SRPK2: variants seen among roughly 807,000 people sequenced by gnomAD.
SRPK2 encodes SRSF protein kinase 2.
Under a neutral mutation model 90.8 loss-of-function variants are expected in SRPK2, and 21 were observed. The ratio of observed to expected loss-of-function variants is 0.23; its 90% CI spans 0.16 to 0.33. The LOEUF (loss-of-function observed/expected upper bound fraction) is 0.33, where lower values mean the gene tolerates loss of function less well. SRPK2 is among the 10% of genes least tolerant of loss of function. The pLI, the probability that SRPK2 is intolerant of heterozygous loss-of-function variation, is 1.00. For synonymous variants in SRPK2, 288 were observed against 311.1 expected (o/e 0.93, Z 0.78); for missense variants, 620 against 869.0 (o/e 0.71, Z 3.60).
intron 2 of SRPK2, among the ~76,000 whole-genome samples, chr7:105,219,463 A>G (rs1797848598): frequency 1.3e-5 from 2 of 152,100 alleles, no homozygotes; most frequent in South Asian, 4.2e-4. Context: ...CTTCCCTTTA[A>G]AACTAATGAT....
At chr7:105,164,887 T>C (rs914725787) in intron 6 of SRPK2, among the ~76,000 whole-genome samples, 2 of 152,108 alleles carry the variant, frequency 1.3e-5, no homozygotes, top group Admixed American at 6.6e-5. Context: ...GCAAAAAATC[T>C]GAAAGAAGCC....
At chr7:105,364,710 A>G (rs1818835930) in intron 2 of SRPK2, among the ~76,000 whole-genome samples, 1 of 151,934 alleles carries the variant, frequency 6.6e-6, no homozygotes, top group Non-Finnish European at 1.5e-5. Context: ...CCGAGTCTTA[A>G]AGGTCCTTAA....
intron 2 of SRPK2, among the ~76,000 whole-genome samples, chr7:105,248,838 A>G (rs1397218170): frequency 2.0e-5 from 3 of 151,560 alleles, no homozygotes; most frequent in Non-Finnish European, 4.4e-5. Context: ...AGGCAGGAGA[A>G]CGGCGTGAAC....
At chr7:105,232,280 G>T (rs1585273333) in intron 2 of SRPK2, among the ~76,000 whole-genome samples, 1 of 151,966 alleles carries the variant, frequency 6.6e-6, no homozygotes, top group East Asian at 1.9e-4. Flanking sequence ...CACCAACATG[G>T]AGAAATCCGT....
intron 2 of SRPK2, among the ~76,000 whole-genome samples, chr7:105,321,475 T>C (rs1156411182): frequency 1.3e-5 from 2 of 151,958 alleles, no homozygotes; most frequent in Non-Finnish European, 2.9e-5. Context: ...AACTGTAAAA[T>C]GAACTTCAAA....
chr7:105,287,033 G>C (rs890955176), intron 2 of SRPK2, among the ~76,000 whole-genome samples: 1 of 151,686 alleles, frequency 6.6e-6, no homozygotes, highest in Non-Finnish European at 1.5e-5. Flanking sequence ...AGGCCGAGGC[G>C]GGCGGATCAC....
At chr7:105,355,313 C>G (rs1291329066) in intron 2 of SRPK2, among the ~76,000 whole-genome samples, 3 of 151,702 alleles carry the variant, frequency 2.0e-5, no homozygotes, top group African/African-American at 7.3e-5. Context: ...CTGCGCAACA[C>G]GGCAAGACCT....
chr7:105,255,927 GAAAA>G (rs1208757960), intron 2 of SRPK2, among the ~76,000 whole-genome samples: 2 of 99,222 alleles, frequency 2.0e-5, no homozygotes, highest in Non-Finnish European at 4.7e-5. Flanking sequence ...ATCTCAAATT[GAAAA>G]AAAAAAAAAG....
chr7:105,303,613 G>A (rs763582221), intron 2 of SRPK2, among the ~76,000 whole-genome samples: 4 of 151,810 alleles, frequency 2.6e-5, no homozygotes, highest in African/African-American at 7.3e-5. Flanking sequence ...AAATTAAGGA[G>A]GTTATGGCTG....
At chr7:105,385,853 A>AAG (rs1259344861) in intron 2 of SRPK2, among the ~76,000 whole-genome samples, 15 of 152,368 alleles carry the variant, frequency 9.8e-5, no homozygotes, top group South Asian at 2.1e-4. Flanking sequence ...AACAATCGAC[A>AAG]GAGTGACTGG....
At chr7:105,191,421 A>G (rs1158385204) in intron 3 of SRPK2, among the ~76,000 whole-genome samples, 1 of 152,090 alleles carries the variant, frequency 6.6e-6, no homozygotes, top group East Asian at 1.9e-4. Flanking sequence ...AAATTTAAAC[A>G]TCAGCCAGGC....
At chr7:105,321,394 T>C (rs2131548497) in intron 2 of SRPK2, among the ~76,000 whole-genome samples, 1 of 152,188 alleles carries the variant, frequency 6.6e-6, no homozygotes. Flanking sequence ...TACAGGTAAA[T>C]CTTCATGACC....
intron 2 of SRPK2, among the ~76,000 whole-genome samples, chr7:105,297,128 G>A (rs1407186062): frequency 1.3e-5 from 2 of 152,128 alleles, no homozygotes; most frequent in Non-Finnish European, 2.9e-5. Flanking sequence ...TAACTCACAG[G>A]TATGATAAAA....
intron 3 of SRPK2, among the ~76,000 whole-genome samples, chr7:105,170,967 G>GAAAGAAAGAAAGAAAGAA (rs66735717): frequency 0.028 from 2,101 of 74,404 alleles, 224 homozygotes; most frequent in Middle Eastern, 0.042. Context: ...AAGAAAGAAA[G>GAAAGAAAGAAAGAAAGAA]AGAAAGAAAG....
chr7:105,280,926 G>A lies in SRPK2; in HGVS notation c.72-77141C>T, dbSNP rs537710879. Among the ~76,000 whole-genome samples the A allele has an allele frequency of 4.0e-3, 406 of 101,624 alleles. 1 individual carries two copies. Among genetic ancestry groups the A allele is most frequent in the African/African-American group, 0.015 (371 of 25,330 alleles). 66.7% of individuals were successfully genotyped at this position (101,624 alleles called of 152,430 possible). ...AGCGCCACTGCACTCCAGCCTGGGCGACAGAGCGAAGACTCCATCTCAAAA... is the reference window on the plus strand; with the variant it reads ...AGCGCCACTGCACTCCAGCCTGGGCAACAGAGCGAAGACTCCATCTCAAAA... On this transcript the variant is annotated intron_variant, in intron 2 of 15. Coordinates refer to ENST00000393651, the MANE Select transcript of SRPK2 (RefSeq NM_182692.3).
intron 2 of SRPK2, among the ~76,000 whole-genome samples, chr7:105,373,067 C>T (rs905649540): frequency 5.3e-5 from 8 of 152,010 alleles, no homozygotes; most frequent in Non-Finnish European, 1.2e-4. Context: ...CTAGCCTCAG[C>T]GACAAGAGTG....
chr7:105,230,835 T>G (rs1799336204), intron 2 of SRPK2, among the ~76,000 whole-genome samples: 1 of 152,164 alleles, frequency 6.6e-6, no homozygotes, highest in South Asian at 2.1e-4. Context: ...CATTTTTCAG[T>G]TAAAAAAAAG....
At chr7:105,390,572 G>A (rs936208987), upstream of SRPK2, among the ~76,000 whole-genome samples, 1 of 150,326 alleles carries the variant, frequency 6.7e-6, no homozygotes, top group Non-Finnish European at 1.5e-5. Context: ...GGGATTACAG[G>A]CATACACCAC....
intron 7 of SRPK2, among the ~76,000 whole-genome samples, chr7:105,154,109 T>C (rs1257551199): frequency 1.3e-5 from 2 of 152,242 alleles, no homozygotes; most frequent in Non-Finnish European, 2.9e-5. Flanking sequence ...TGTCCTGAAA[T>C]AGCCTCTGCT....
Sources: gnomAD v4.1 joint callset for allele counts (sites outside exome capture counted in the v4.1 genomes callset) on GRCh38, gnomAD v4.1.1 for gene constraint, MANE v1.5 for transcripts, NCBI Gene and HGNC (gene_info 2026-07-23, HGNC 2026-07-21) for gene names.